MUC7: variants seen among roughly 807,000 people sequenced by gnomAD.
MUC7 encodes mucin 7, secreted.
Under a neutral mutation model 2.5 loss-of-function variants are expected in MUC7, and 2 were observed. The ratio of observed to expected loss-of-function variants is 0.81; its 90% CI spans 0.33 to 2.55. MUC7 has a LOEUF of 2.55. MUC7 is among the 30% of genes most tolerant of loss of function. MUC7 has a pLI of 0.11. For missense variants in MUC7, 408 were observed against 455.6 expected (o/e 0.90, Z 0.95); for synonymous variants, 133 against 173.4 (o/e 0.77, Z 1.83).
chr4:70,431,494 G>T (rs907337988), intron 1 of MUC7, among the ~76,000 whole-genome samples: 2 of 151,782 alleles, frequency 1.3e-5, no homozygotes, highest in African/African-American at 2.4e-5. Context: ...TTTTTTGGGG[G>T]GGTGGGAGAT....
chr4:70,444,539 A>T (rs1232908442), intron 1 of MUC7, among the ~76,000 whole-genome samples: 1 of 151,812 alleles, frequency 6.6e-6, no homozygotes, highest in Admixed American at 6.6e-5. Context: ...ATTTGACTCA[A>T]CCTCCCCATC....
chr4:70,472,543 T>G (rs1434037379), intron 1 of MUC7, among the ~76,000 whole-genome samples: 2 of 152,194 alleles, frequency 1.3e-5, no homozygotes, highest in Admixed American at 6.5e-5. Flanking sequence ...TAAGTAACCA[T>G]TTCGTTTTTC....
intron 1 of MUC7, 56 bp from the exon 2 acceptor site, chr4:70,473,951 C>A: frequency 8.1e-7 from 1 of 1,238,678 alleles, no homozygotes; most frequent in Non-Finnish European, 1.2e-6. Flanking sequence ...TACCAAAACG[C>A]ATTCCTCTCC....
In MUC7 at chr4:70,480,933, T is replaced by C. The variant is rs147746777; in HGVS notation, c.189T>C (p.Tyr63=). The C allele has an allele frequency of 1.9e-6, 3 of 1,613,976 alleles. No individual in the cohort carries two copies. The African/African-American group carries it at 4.0e-5, about 22-fold the overall frequency. ...AGAAGCCGTTCATTAGAAAGTCCTA[T>C]AAATGTCTGCACAAACGCTGTAGGC... The part of the protein sequence containing the change: ...AHQKPFIRKS[Y]KCLHKRCRPK... Residue 63 remains tyrosine, a synonymous_variant, in exon 3 of 3, where the codon TAT becomes TAC. Coordinates refer to ENST00000304887, the MANE Select transcript of MUC7 (RefSeq NM_152291.3).
intron 1 of MUC7, among the ~76,000 whole-genome samples, chr4:70,453,225 C>T (rs1234059864): frequency 6.6e-6 from 1 of 152,220 alleles, no homozygotes; most frequent in Non-Finnish European, 1.5e-5. Context: ...ACAGCCAGTT[C>T]CCTCAGGCCC....
intron 1 of MUC7, among the ~76,000 whole-genome samples, chr4:70,432,510 T>C (rs1179160210): frequency 6.6e-6 from 1 of 152,250 alleles, no homozygotes; most frequent in Non-Finnish European, 1.5e-5. Flanking sequence ...ATGATGAGCA[T>C]TTTTTCATGT....
intron 1 of MUC7, among the ~76,000 whole-genome samples, chr4:70,463,998 A>G (rs548732831): frequency 6.6e-6 from 1 of 151,988 alleles, no homozygotes; most frequent in South Asian, 2.1e-4. Context: ...TGCAGCTCCC[A>G]GTGAGATCAA....
At chr4:70,468,987 T>C (rs975285973), upstream of MUC7, among the ~76,000 whole-genome samples, 10 of 152,074 alleles carry the variant, frequency 6.6e-5, no homozygotes, top group African/African-American at 2.2e-4. Context: ...GGAGGGATCA[T>C]GCTACCTGAC....
intron 1 of MUC7, among the ~76,000 whole-genome samples, chr4:70,432,523 C>T (rs929659261): frequency 6.6e-6 from 1 of 152,174 alleles, no homozygotes; most frequent in Non-Finnish European, 1.5e-5. Flanking sequence ...TTTCATGTGT[C>T]TGTTGGCTGC....
At chr4:70,467,993 A>C (rs1039723761), upstream of MUC7, among the ~76,000 whole-genome samples, 9 of 152,218 alleles carry the variant, frequency 5.9e-5, no homozygotes, top group African/African-American at 1.7e-4. Flanking sequence ...ATGAACATCG[A>C]TGCAAAAATC....
chr4:70,471,367 G>A (rs1734829084), upstream of MUC7, among the ~76,000 whole-genome samples: 3 of 152,174 alleles, frequency 2.0e-5, no homozygotes, highest in Non-Finnish European at 4.4e-5. Context: ...GTTGAGTCCT[G>A]GTAGGAACAA....
upstream of MUC7, among the ~76,000 whole-genome samples, chr4:70,469,651 G>T (rs995743314): frequency 1.3e-5 from 2 of 152,040 alleles, no homozygotes; most frequent in Non-Finnish European, 2.9e-5. Flanking sequence ...ACAAATATAT[G>T]AAAAAAGGCT....
intron 1 of MUC7, among the ~76,000 whole-genome samples, chr4:70,436,345 C>G (rs761776872): frequency 6.6e-6 from 1 of 152,144 alleles, no homozygotes; most frequent in Admixed American, 6.5e-5. Context: ...ACCAATCAAA[C>G]GTAGATTTGG....
intron 1 of MUC7, among the ~76,000 whole-genome samples, chr4:70,466,617 C>T (rs1325669729): frequency 6.6e-6 from 1 of 151,932 alleles, no homozygotes; most frequent in Non-Finnish European, 1.5e-5. Context: ...CAATCCTAGT[C>T]TCTGATAAAA....
chr4:70,463,021 C>T lies in MUC7; in HGVS notation c.-92-9194C>T, dbSNP rs568961489. Among the ~76,000 whole-genome samples, 21 of 152,068 alleles carry T rather than the reference C, an allele frequency of 1.4e-4. No individual in the cohort carries two copies. In the South Asian group the frequency reaches 4.4e-3, roughly 32 times the overall value. On this transcript the variant is annotated intron_variant, in intron 1 of 3. Coordinates refer to the MUC7 transcript ENST00000413702. Reference sequence around the variant, plus strand: ...TGAATAAGTAAATAAAACTGAAGCACTACTCTCTATCACTTTTGCAGGTCA... The same window carrying T: ...TGAATAAGTAAATAAAACTGAAGCATTACTCTCTATCACTTTTGCAGGTCA...
chr4:70,482,014 A>G lies in MUC7; in HGVS notation c.*136A>G, dbSNP rs1297338120. The G allele has an allele frequency of 9.1e-6, 10 of 1,100,070 alleles. No individual in the cohort carries two copies. Among genetic ancestry groups the G allele is most frequent in the South Asian group, 3.3e-5 (2 of 60,532 alleles). 68.1% of individuals were successfully genotyped at this position (1,100,070 alleles called of 1,614,324 possible). A position where few individuals can be genotyped will look rare whatever the true frequency, so the allele number is the denominator to read the frequency against. On this transcript the variant is annotated 3_prime_UTR_variant, in exon 3 of 3. Transcript: ENST00000304887. Reference sequence around the variant, plus strand: ...TTAAAGCACTATCATTAATCTTTCAATCTAATTATTCACCACCACAAGACC... The same window carrying G: ...TTAAAGCACTATCATTAATCTTTCAGTCTAATTATTCACCACCACAAGACC...
In MUC7 at chr4:70,450,288, A is replaced by G. The variant is rs763413838; in HGVS notation, c.-93+19601A>G. ...ACCACCAATGTTTCCAAGGTCTCTT[A>G]CTTCAGCTTGTCATGTATGCTGTCT... On this transcript the variant is annotated intron_variant, in intron 1 of 3. Transcript: ENST00000413702. Among the ~76,000 whole-genome samples the G allele has an allele frequency of 4.3e-4, 65 of 152,134 alleles. 1 individual carries two copies. The highest frequency in any genetic ancestry group is 8.4e-4 in the Non-Finnish European group (57 of 68,028).
At chr4:70,434,395 G>A (rs952146403) in intron 1 of MUC7, among the ~76,000 whole-genome samples, 1 of 152,114 alleles carries the variant, frequency 6.6e-6, no homozygotes. Context: ...CTCAATTTCA[G>A]AACTTGTTAT....
At chr4:70,467,323 A>G (rs1734707881), upstream of MUC7, among the ~76,000 whole-genome samples, 1 of 152,092 alleles carries the variant, frequency 6.6e-6, no homozygotes, top group Admixed American at 6.6e-5. Context: ...AACTAAAATC[A>G]ACACCCTAAC....
Sources: gnomAD v4.1 joint callset for allele counts (sites outside exome capture counted in the v4.1 genomes callset) on GRCh38, gnomAD v4.1.1 for gene constraint, MANE v1.5 for transcripts, NCBI Gene and HGNC (gene_info 2026-07-23, HGNC 2026-07-21) for gene names.